The following TSPEAR variants were observed in gnomAD, a reference collection of about 807,000 sequenced individuals.
TSPEAR encodes thrombospondin-type laminin G domain and EAR repeat-containing protein.
Under a neutral mutation model 71.6 loss-of-function variants are expected in TSPEAR, and 69 were observed. The observed-to-expected ratio is 0.96, with a 90% CI of 0.79 to 1.18. The LOEUF (loss-of-function observed/expected upper bound fraction) is 1.18. TSPEAR is among the 50% of genes most tolerant of loss of function. TSPEAR has a pLI of 0.00. For synonymous variants in TSPEAR, 402 were observed against 387.2 expected, an observed-to-expected ratio of 1.04 and a Z score of -0.45; for missense variants, 971 against 894.9, an observed-to-expected ratio of 1.09 and a Z score of -1.09.
At position 44,710,354 on chromosome 21, in the gene TSPEAR, G is replaced by T. The variant is rs1601591181; in HGVS notation, c.82+1079C>A. On this transcript the variant is annotated intron_variant, in intron 1 of 11. Transcript: ENST00000323084. This position sits in a 1 kb window ranked among gnomAD's most constrained non-coding sequence, Gnocchi z 4.6. ...AGGTCTACCTACCTCCCACTGCACA[G>T]CCCGAGGGCTGTCCTGGAGGCACAG... is the stretch of plus-strand genomic sequence containing the variant. Among the ~76,000 whole-genome samples the T allele has an allele frequency of 2.0e-5, 3 of 152,128 alleles. No individual in the cohort carries two copies. In the South Asian group the frequency reaches 6.2e-4, roughly 32 times the overall value.
chr21:44,516,806 T>G (rs1220876118), intron 9 of TSPEAR, among the ~76,000 whole-genome samples: 1 of 152,024 alleles, frequency 6.6e-6, no homozygotes, highest in Admixed American at 6.5e-5. Flanking sequence ...TCCTTGGACC[T>G]GTGATCTATG....
chr21:44,697,979 T>G (rs782621736), intron 1 of TSPEAR: 1 of 1,584,360 alleles, frequency 6.3e-7, no homozygotes, highest in Non-Finnish European at 8.6e-7. Context: ...CTGCCAGGCA[T>G]GTCCCCCAGG....
At chr21:44,524,845 TAGTC>T (rs1407350627) in intron 8 of TSPEAR, among the ~76,000 whole-genome samples, 21 of 149,868 alleles carry the variant, frequency 1.4e-4, no homozygotes, top group African/African-American at 4.7e-4. Context: ...GTCAGTGAGG[TAGTC>T]AGTCAGCCAA....
At chr21:44,603,621 A>G (rs1435988081) in intron 1 of TSPEAR, among the ~76,000 whole-genome samples, 1 of 152,178 alleles carries the variant, frequency 6.6e-6, no homozygotes, top group African/African-American at 2.4e-5. Flanking sequence ...TTCCAAGGGC[A>G]ACAGGTGGAA....
In TSPEAR at chr21:44,566,776, C is replaced by T. The variant is rs185907256; in HGVS notation, c.303+1009G>A. Among the ~76,000 whole-genome samples, 66 of 152,192 alleles carry T rather than the reference C, an allele frequency of 4.3e-4. 1 individual carries two copies. In the South Asian group the frequency reaches 5.0e-3, roughly 11 times the overall value. ...CATTCAATGAGGAAAAAATAATCTC[C>T]TTAGCAAATGGTGTGGGGGCAACTG... On this transcript the variant is annotated intron_variant, in intron 2 of 11. Transcript: ENST00000323084.
intron 1 of TSPEAR, chr21:44,637,442 T>C (rs1983661115): frequency 6.2e-7 from 1 of 1,610,592 alleles, no homozygotes; most frequent in Admixed American, 1.7e-5. Context: ...CATGTCCATC[T>C]GCTCCAGCGC....
In TSPEAR at chr21:44,637,777, C is replaced by T. The variant is rs781880795; in HGVS notation, c.83-69772G>A. 14 of 1,359,128 alleles carry T rather than the reference C, an allele frequency of 1.0e-5. No individual in the cohort carries two copies. In the Admixed American group the frequency reaches 1.0e-4, roughly 10 times the overall value. 84.2% of individuals were successfully genotyped at this position (1,359,128 alleles called of 1,614,324 possible). A position where few individuals can be genotyped will look rare whatever the true frequency, so the allele number is the denominator to read the frequency against. On this transcript the variant is annotated intron_variant, in intron 1 of 11. Coordinates refer to ENST00000323084, the MANE Select transcript of TSPEAR (RefSeq NM_144991.3). ...CTGTGTGCTTCGTGCCTACCTGCTC[C>T]GAGTCTTCCCCTTCATGCTGCCAGC...
intron 1 of TSPEAR, among the ~76,000 whole-genome samples, chr21:44,597,432 C>CTTTCTTTTTTTTTT (rs1980437877): frequency 1.5e-5 from 2 of 130,622 alleles, no homozygotes; most frequent in African/African-American, 6.5e-5. Flanking sequence ...TTCTTTCTTT[C>CTTTCTTTTTTTTTT]TTTTCTTTTT....
intron 1 of TSPEAR, among the ~76,000 whole-genome samples, chr21:44,583,438 C>T (rs1979135738): frequency 6.6e-6 from 1 of 152,244 alleles, no homozygotes; most frequent in South Asian, 2.1e-4. Context: ...ACAGAAGCAC[C>T]TCCTGCAGCT....
chr21:44,580,436 G>A (rs782157840), intron 1 of TSPEAR: 2 of 1,613,024 alleles, frequency 1.2e-6, no homozygotes, highest in Non-Finnish European at 1.7e-6. Flanking sequence ...GCAGGGGCTG[G>A]ACACACAGCT....
At position 44,707,771 on chromosome 21, in the gene TSPEAR, C is replaced by A. The variant is rs141271692; in HGVS notation, c.82+3662G>T. Reference sequence around the variant, plus strand: ...AAAGGTGATGGGTGAGGCGGCTAAGCCTCTGATTCTCTATAGGTGGCGGTC... The same window carrying A: ...AAAGGTGATGGGTGAGGCGGCTAAGACTCTGATTCTCTATAGGTGGCGGTC... On this transcript the variant is annotated intron_variant, in intron 1 of 11. Transcript: ENST00000323084. Among the ~76,000 whole-genome samples the A allele has an allele frequency of 6.7e-4, 102 of 152,168 alleles. 1 individual carries two copies. Among genetic ancestry groups the A allele is most frequent in the South Asian group, 3.9e-3 (19 of 4,820 alleles).
intron 2 of TSPEAR, chr21:44,540,021 T>G (rs781811559): frequency 1.9e-6 from 3 of 1,612,772 alleles, no homozygotes; most frequent in Non-Finnish European, 1.7e-6. Context: ...CAGACCAGGG[T>G]CAGGCAGGGG....
intron 8 of TSPEAR, among the ~76,000 whole-genome samples, chr21:44,525,180 A>G (rs1167977744): frequency 6.6e-6 from 1 of 151,890 alleles, no homozygotes; most frequent in Non-Finnish European, 1.5e-5. Flanking sequence ...TCAGTGAAGT[A>G]GTCAGTCAGT....
chr21:44,569,678 G>A lies in TSPEAR; in HGVS notation c.83-1673C>T, dbSNP rs587705550. ...TGCAATTAAACACAAAAGGTAGAGT[G>A]TGAGGAGGCTTTGCCGCTTCTTGGA... On this transcript the variant is annotated intron_variant, in intron 1 of 11. Coordinates refer to ENST00000323084, the MANE Select transcript of TSPEAR (RefSeq NM_144991.3). 5.9e-5 allele frequency among the ~76,000 whole-genome samples: 9 copies of A among 152,310 alleles called. No individual in the cohort carries two copies. The East Asian group carries it at 1.7e-3, about 29-fold the overall frequency.
At chr21:44,617,535 C>T (rs587630495) in intron 1 of TSPEAR, among the ~76,000 whole-genome samples, 92 of 152,342 alleles carry the variant, frequency 6.0e-4, no homozygotes, top group Non-Finnish European at 1.0e-3. Context: ...TGGTTTCAAA[C>T]AGGATTGAGC....
At chr21:44,673,181 C>A (rs2146284976) in intron 1 of TSPEAR, among the ~76,000 whole-genome samples, 1 of 152,262 alleles carries the variant, frequency 6.6e-6, no homozygotes, top group East Asian at 1.9e-4. Context: ...TATAAGGAAA[C>A]CCCCATCAGA....
At chr21:44,708,061 C>A (rs567795334) in intron 1 of TSPEAR, among the ~76,000 whole-genome samples, 50 of 137,034 alleles carry the variant, frequency 3.6e-4, no homozygotes, top group African/African-American at 1.4e-3. Flanking sequence ...CAGCACGAGG[C>A]GACAGAGATA....
chr21:44,573,594 G>A (rs1179358041), intron 1 of TSPEAR: 3 of 1,186,894 alleles, frequency 2.5e-6, no homozygotes, highest in African/African-American at 1.5e-5. Context: ...TCCTGGAGCT[G>A]GCTGTACACC....
At chr21:44,513,190 G>A (rs1446159464) in intron 9 of TSPEAR, among the ~76,000 whole-genome samples, 5 of 152,198 alleles carry the variant, frequency 3.3e-5, no homozygotes, top group African/African-American at 7.2e-5. Flanking sequence ...ACGGTAGGGC[G>A]GTCATTGTCA....
Sources: allele counts gnomAD v4.1 joint callset (sites outside exome capture counted in the v4.1 genomes callset), GRCh38; gene constraint gnomAD v4.1.1; non-coding constraint Gnocchi (gnomAD v3.1); transcripts MANE v1.5; gene names NCBI Gene and HGNC (gene_info 2026-07-23, HGNC 2026-07-21).